Variants in ANKRD13A observed in about 807,000 individuals in gnomAD.
The protein encoded by ANKRD13A is ankyrin repeat domain-containing protein 13A.
ANKRD13A carries 48 observed loss-of-function variants against 81.3 expected under a neutral mutation model. The observed-to-expected ratio is 0.59, with a 90% CI of 0.47 to 0.75. ANKRD13A has a LOEUF of 0.75. Ranked by LOEUF, ANKRD13A falls within the 30% of genes least tolerant of loss-of-function variation. The pLI, the probability that ANKRD13A is intolerant of heterozygous loss-of-function variation, is 0.00. For missense variants in ANKRD13A, 612 were observed against 734.0 expected, an observed-to-expected ratio of 0.83 and a Z score of 1.92; for synonymous variants, 230 against 270.1, an observed-to-expected ratio of 0.85 and a Z score of 1.45.
At chr12:110,014,844 C>T (rs1205019691) in intron 3 of ANKRD13A, among the ~76,000 whole-genome samples, 3 of 147,438 alleles carry the variant, frequency 2.0e-5, no homozygotes, top group South Asian at 2.1e-4. Flanking sequence ...AGTGCAGTGG[C>T]GCGATCTTGG....
chr12:110,011,003 G>A (rs1300371571), intron 1 of ANKRD13A, among the ~76,000 whole-genome samples: 1 of 152,124 alleles, frequency 6.6e-6, no homozygotes, highest in Non-Finnish European at 1.5e-5. Context: ...TACTAGGGAG[G>A]CTGATATGGG....
chr12:110,005,789 C>T (rs1423973636), intron 1 of ANKRD13A, among the ~76,000 whole-genome samples: 5 of 152,142 alleles, frequency 3.3e-5, no homozygotes, highest in East Asian at 1.9e-4. Context: ...TTATGAGTAA[C>T]GCTGCTGTGT....
At chr12:110,016,248 A>T in intron 3 of ANKRD13A, 140 bp from the exon 4 acceptor site, 1 of 579,268 alleles carries the variant, frequency 1.7e-6, no homozygotes, top group South Asian at 5.3e-5. Flanking sequence ...TCACCCGGCT[A>T]GGGGCTTACA....
chr12:110,024,410 T>TA (rs76440971), intron 7 of ANKRD13A, among the ~76,000 whole-genome samples: 56 of 144,196 alleles, frequency 3.9e-4, no homozygotes, highest in South Asian at 2.6e-3. Flanking sequence ...CTTAATTATT[T>TA]AAAAAAAAAA....
chr12:110,028,838 A>C, intron 10 of ANKRD13A, 196 bp downstream of exon 10: 1 of 555,656 alleles, frequency 1.8e-6, no homozygotes. Flanking sequence ...CCCAGGTTCA[A>C]GCGGTTCTCC....
At chr12:110,025,960 CTCTCT>C in intron 8 of ANKRD13A, 137 bp downstream of exon 8, 13 of 662,272 alleles carry the variant, frequency 2.0e-5, no homozygotes, top group East Asian at 6.3e-5. Context: ...TTCTCTCTCT[CTCTCT>C]TTTTTTTTTT....
chr12:110,017,260 T>C (rs1890846612), intron 4 of ANKRD13A, among the ~76,000 whole-genome samples: 1 of 152,236 alleles, frequency 6.6e-6, no homozygotes, highest in Non-Finnish European at 1.5e-5. Flanking sequence ...TTTACCATAA[T>C]TTACTAATTT....
At position 110,018,222 on chromosome 12, in the gene ANKRD13A, C is replaced by A; in HGVS notation, c.401-123C>A. On this transcript the variant is annotated intron_variant, in intron 4 of 14. Transcript: ENST00000261739. The surrounding 1 kb of genome is among the most constrained non-coding windows in gnomAD (Gnocchi z 4.4). ...TGGTAAATATGAAAGCCAAGAAGTC[C>A]GTTGTTTGATGGTCACCATCTTGCC... The A allele has an allele frequency of 1.0e-6, 1 of 982,690 alleles. No individual in the cohort carries two copies. Among genetic ancestry groups the A allele is most frequent in the Non-Finnish European group, 1.5e-6 (1 of 680,560 alleles). The allele number at this position is 982,690 out of a possible 1,614,324, so 60.9% of individuals were successfully genotyped here. A position where few individuals can be genotyped will look rare whatever the true frequency, so the allele number is the denominator to read the frequency against.
chr12:110,030,713 G>C lies in ANKRD13A; in HGVS notation c.1303G>C (p.Glu435Gln). Residue 435 changes from glutamate to glutamine, a missense_variant, in exon 12 of 15, where the codon GAA (glutamate) becomes CAA (glutamine). By Grantham distance (29) the Glu-to-Gln change is conservative. Coordinates refer to ENST00000261739, the MANE Select transcript of ANKRD13A (RefSeq NM_033121.2). ...AAATGTTAATGGCTGTAGCACTGCCGAAGAATCTGTATCTCAAAATGTGGA... is the reference window on the plus strand; with the variant it reads ...AAATGTTAATGGCTGTAGCACTGCCCAAGAATCTGTATCTCAAAATGTGGA... ...FGNVNGCSTA[E>Q]ESVSQNVEGT... 1 of 1,609,340 alleles carries C rather than the reference G, an allele frequency of 6.2e-7. No individual in the cohort carries two copies. The highest frequency in any genetic ancestry group is 8.5e-7 in the Non-Finnish European group (1 of 1,177,412).
rs142575329 is a variant in ANKRD13A, at chr12:110,031,123, A to G, written c.1348+365A>G. 5.5e-3 allele frequency among the ~76,000 whole-genome samples: 835 copies of G among 152,132 alleles called. 3 individuals are homozygous for G. Among genetic ancestry groups the G allele is most frequent in the Non-Finnish European group, 8.7e-3 (590 of 68,002 alleles). ...CTACATCTCAAAAAAAAAAAATTAT[A>G]ATTCAGTCATCATATTCATAATTCA... On this transcript the variant is annotated intron_variant, in intron 12 of 14. Transcript: ENST00000261739.
chr12:110,014,950 A>ATT (rs200740786), intron 3 of ANKRD13A, among the ~76,000 whole-genome samples: 2 of 146,468 alleles, frequency 1.4e-5, no homozygotes, highest in East Asian at 2.0e-4. Context: ...CGCCCGGCTA[A>ATT]TTTTTTTTTT....
chr12:110,031,477 A>G (rs541660762), intron 12 of ANKRD13A, among the ~76,000 whole-genome samples: 2 of 152,116 alleles, frequency 1.3e-5, no homozygotes, highest in East Asian at 1.9e-4. Context: ...TAGTCTCCCA[A>G]GTAGCTGGGA....
intron 1 of ANKRD13A, among the ~76,000 whole-genome samples, chr12:110,007,048 A>C (rs539514611): frequency 1.3e-5 from 2 of 152,322 alleles, no homozygotes; most frequent in South Asian, 4.1e-4. Context: ...ATTGTATTCC[A>C]TTGACCTGTA....
rs748348102 is a variant in ANKRD13A at position 110,013,199 on chromosome 12, A to G, written c.304A>G (p.Thr102Ala). ...TVLQHRDYHN[T>A]SMALEGVPEL... ...TCTCCAACATCGAGACTACCACAAC[A>G]CATCCATGGCCCTTGAGGGAGTTCC... The change falls in exon 3 of 15, where the codon ACA (threonine) becomes GCA (alanine). Residue 102 changes from threonine to alanine, a missense_variant. Transcript: ENST00000261739. 8.7e-6 allele frequency: 14 copies of G among 1,614,096 alleles called. No homozygotes were observed. In the Admixed American group the frequency reaches 2.2e-4, roughly 25 times the overall value.
At position 110,029,643 on chromosome 12, in the gene ANKRD13A, T is replaced by TA. The variant is rs1365853128; in HGVS notation, c.1234+11dup. The TA allele has an allele frequency of 6.2e-7, 1 of 1,608,688 alleles. No homozygotes were observed. The highest frequency in any genetic ancestry group is 1.3e-5 in the African/African-American group (1 of 74,872). On this transcript the variant is annotated intron_variant, in intron 11 of 14. Coordinates refer to ENST00000261739, the MANE Select transcript of ANKRD13A (RefSeq NM_033121.2). ...GATTTCCTGTCAAAATAGGTACTGCTAAATAAACTTCAGCAACACTTGGAG... is the reference window on the plus strand; with the variant it reads ...GATTTCCTGTCAAAATAGGTACTGCTAAAATAAACTTCAGCAACACTTGGAG...
chr12:110,019,627 A>G (rs1362395635), intron 6 of ANKRD13A, among the ~76,000 whole-genome samples: 1 of 152,042 alleles, frequency 6.6e-6, no homozygotes, highest in Non-Finnish European at 1.5e-5. Context: ...CTTGAATCCT[A>G]TTTTTGTCTT....
chr12:109,999,771 A>G lies in ANKRD13A; in HGVS notation c.83A>G (p.Glu28Gly). ...AACGACTACCGGCAGCTCGAGAAGG[A>G]GCTGCAGGGCCAGGTGAGGGGCGGG... ...WKNDYRQLEK[E>G]LQGQNVEAVD... The change falls in exon 1 of 15, where the codon GAG (glutamate) becomes GGG (glycine). Residue 28 changes from glutamate to glycine, a missense_variant. Physicochemically the swap from Glu to Gly is moderately conservative, Grantham distance 98. Coordinates refer to ENST00000261739, the MANE Select transcript of ANKRD13A (RefSeq NM_033121.2). This position sits in a 1 kb window ranked among gnomAD's most constrained non-coding sequence, Gnocchi z 4.3. 6.5e-7 allele frequency: 1 copy of G among 1,530,640 alleles called. No homozygotes were observed. Among genetic ancestry groups the G allele is most frequent in the Non-Finnish European group, 8.8e-7 (1 of 1,136,992 alleles). 94.8% of individuals were successfully genotyped at this position (1,530,640 alleles called of 1,614,324 possible). A position where few individuals can be genotyped will look rare whatever the true frequency, so the allele number is the denominator to read the frequency against.
At chr12:110,000,876 G>A (rs754184771) in intron 1 of ANKRD13A, among the ~76,000 whole-genome samples, 1 of 149,924 alleles carries the variant, frequency 6.7e-6, no homozygotes, top group African/African-American at 2.5e-5. Context: ...TTCTGCCTCA[G>A]CCCCCCAAGT....
intron 1 of ANKRD13A, among the ~76,000 whole-genome samples, chr12:110,001,567 G>A (rs1889979615): frequency 6.6e-6 from 1 of 151,658 alleles, no homozygotes; most frequent in Admixed American, 6.6e-5. Context: ...AGCCTCCTCA[G>A]TAGCTGGGAT....
Sources: gnomAD v4.1 joint callset for allele counts (sites outside exome capture counted in the v4.1 genomes callset) on GRCh38, gnomAD v4.1.1 for gene constraint, Gnocchi (gnomAD v3.1) non-coding constraint, MANE v1.5 for transcripts, NCBI Gene and HGNC (gene_info 2026-07-23, HGNC 2026-07-21) for gene names.